The following RAPGEF4 variants were observed in gnomAD, a reference collection of about 807,000 sequenced individuals.
RAPGEF4 encodes Rap guanine nucleotide exchange factor 4.
Under a neutral mutation model 147.9 loss-of-function variants are expected in RAPGEF4, and 66 were observed. The ratio of observed to expected loss-of-function variants is 0.45; its 90% CI spans 0.37 to 0.55. The LOEUF is 0.55. Ranked by LOEUF, RAPGEF4 falls within the 20% of genes least tolerant of loss-of-function variation. RAPGEF4 has a pLI of 0.00. For synonymous variants in RAPGEF4, 419 were observed against 442.7 expected, an observed-to-expected ratio of 0.95 and a Z score of 0.67; for missense variants, 1,071 against 1,257.3, an observed-to-expected ratio of 0.85 and a Z score of 2.24.
intron 23 of RAPGEF4, among the ~76,000 whole-genome samples, chr2:173,026,201 A>C (rs1442823848): frequency 6.6e-6 from 1 of 152,198 alleles, no homozygotes; most frequent in East Asian, 1.9e-4. Flanking sequence ...CAGCAGCTTC[A>C]GTGAGAAATA....
chr2:172,924,816 A>G (rs1245252046), intron 6 of RAPGEF4, among the ~76,000 whole-genome samples: 4 of 152,340 alleles, frequency 2.6e-5, no homozygotes, highest in South Asian at 2.1e-4. Flanking sequence ...CAAAATAACA[A>G]TAATATGCCT....
intron 1 of RAPGEF4, among the ~76,000 whole-genome samples, chr2:172,748,463 G>T (rs965040228): frequency 6.6e-6 from 1 of 152,102 alleles, no homozygotes; most frequent in Non-Finnish European, 1.5e-5. Flanking sequence ...AGCAAAAGGG[G>T]TTTCCCTTTA....
chr2:172,917,937 G>A (rs1684256378), intron 5 of RAPGEF4, 63 bp downstream of exon 5: 8 of 1,395,110 alleles, frequency 5.7e-6, no homozygotes, highest in Middle Eastern at 1.8e-4. Context: ...GTTTTCATGT[G>A]ACAAAAAATA....
chr2:172,876,997 T>C lies in RAPGEF4; in HGVS notation c.445-40805T>C, dbSNP rs372235699. Among the ~76,000 whole-genome samples the C allele has an allele frequency of 1.3e-3, 200 of 152,242 alleles. No individual in the cohort carries two copies. In the South Asian group the frequency reaches 0.016, roughly 12 times the overall value. On this transcript the variant is annotated intron_variant, in intron 4 of 30. Coordinates refer to ENST00000397081, the MANE Select transcript of RAPGEF4 (RefSeq NM_007023.4). ...GGGAGGGTGTAGGTGTCGAGGAATT[T>C]ATCCATTTCTTCTAGATTTTCTAGT...
intron 15 of RAPGEF4, among the ~76,000 whole-genome samples, chr2:172,992,583 T>G (rs1692934993): frequency 6.6e-6 from 1 of 152,238 alleles, no homozygotes; most frequent in Non-Finnish European, 1.5e-5. Context: ...TCAAAAGCAT[T>G]TGCCTGTTAC....
At position 172,961,234 on chromosome 2, in the gene RAPGEF4, T is replaced by C. The variant is rs369045041; in HGVS notation, c.698+6T>C. The C allele has an allele frequency of 6.4e-7, 1 of 1,557,738 alleles. No homozygotes were observed. The highest frequency in any genetic ancestry group is 1.4e-5 in the African/African-American group (1 of 73,698). Reference sequence around the variant, plus strand: ...TACCACCTAAAGACATACAGGTATGTGTGCTAATTCTAAAGGCTGTGCCCC... The same window carrying C: ...TACCACCTAAAGACATACAGGTATGCGTGCTAATTCTAAAGGCTGTGCCCC... On this transcript the variant is annotated splice_donor_region_variant and intron_variant, in intron 8 of 30. Coordinates refer to ENST00000397081, the MANE Select transcript of RAPGEF4 (RefSeq NM_007023.4).
In RAPGEF4 at chr2:172,962,948, G is replaced by A. The variant is rs545896250; in HGVS notation, c.698+1720G>A. Among the ~76,000 whole-genome samples, 3 of 152,212 alleles carry A rather than the reference G, an allele frequency of 2.0e-5. No homozygotes were observed. In the South Asian group the frequency reaches 6.2e-4, roughly 32 times the overall value. On this transcript the variant is annotated intron_variant, in intron 8 of 30. Transcript: ENST00000397081. ...TATCTGAGACTGGGTAATTTTTGAA[G>A]AAAAATGGTTTCATTGACTCACAGT... is the stretch of plus-strand genomic sequence containing the variant.
intron 4 of RAPGEF4, among the ~76,000 whole-genome samples, chr2:172,855,823 T>C (rs375427140): frequency 1.3e-5 from 2 of 152,308 alleles, no homozygotes; most frequent in African/African-American, 4.8e-5. Context: ...TTACTACTAA[T>C]ATAGTTTTCT....
intron 23 of RAPGEF4, among the ~76,000 whole-genome samples, chr2:173,021,408 A>G (rs1178722511): frequency 1.3e-5 from 2 of 152,158 alleles, no homozygotes; most frequent in African/African-American, 4.8e-5. Context: ...CAGTCTTTGG[A>G]TACACGGGGT....
At chr2:172,744,489 A>G in intron 1 of RAPGEF4, 2 of 451,002 alleles carry the variant, frequency 4.4e-6, no homozygotes, top group Non-Finnish European at 8.9e-6. Flanking sequence ...AGAGGTTAAA[A>G]ATTTAGGAGT....
intron 4 of RAPGEF4, among the ~76,000 whole-genome samples, chr2:172,885,878 G>A (rs1697153879): frequency 6.6e-6 from 1 of 151,982 alleles, no homozygotes; most frequent in Non-Finnish European, 1.5e-5. Flanking sequence ...AACCTTTCAT[G>A]GTTTCCTCTT....
chr2:172,834,776 A>G (rs909461914), intron 4 of RAPGEF4, among the ~76,000 whole-genome samples: 10 of 152,256 alleles, frequency 6.6e-5, no homozygotes, highest in African/African-American at 2.2e-4. Context: ...TTGGGTTTCA[A>G]TAAAGGGAAA....
At chr2:172,974,432 C>A (rs542513334) in intron 10 of RAPGEF4, among the ~76,000 whole-genome samples, 1 of 152,246 alleles carries the variant, frequency 6.6e-6, no homozygotes, top group East Asian at 1.9e-4. Flanking sequence ...ACCTATAGTA[C>A]TAACACTTTG....
intron 4 of RAPGEF4, among the ~76,000 whole-genome samples, chr2:172,840,111 G>A (rs756875237): frequency 1.1e-4 from 16 of 152,078 alleles, no homozygotes; most frequent in Admixed American, 2.0e-4. Flanking sequence ...AGCATGTGAC[G>A]AATTATGGTC....
intron 4 of RAPGEF4, among the ~76,000 whole-genome samples, chr2:172,824,070 C>T (rs1323616262): frequency 6.6e-6 from 1 of 152,104 alleles, no homozygotes; most frequent in African/African-American, 2.4e-5. Context: ...AAGGGAGAGC[C>T]ACAAATTCTG....
intron 1 of RAPGEF4, among the ~76,000 whole-genome samples, chr2:172,787,401 T>C (rs990049974): frequency 6.6e-6 from 1 of 152,124 alleles, no homozygotes. Flanking sequence ...GGTTGTCCTC[T>C]GTCTAACTTG....
intron 4 of RAPGEF4, among the ~76,000 whole-genome samples, chr2:172,874,684 T>C (rs1695668863): frequency 1.3e-5 from 2 of 152,152 alleles, no homozygotes; most frequent in South Asian, 2.1e-4. Flanking sequence ...TCTTTGCTAT[T>C]GTGAATAGTG....
At chr2:172,914,768 A>G (rs1416339399) in intron 4 of RAPGEF4, among the ~76,000 whole-genome samples, 2 of 152,196 alleles carry the variant, frequency 1.3e-5, no homozygotes, top group African/African-American at 4.8e-5. Context: ...TGTTTGCTTC[A>G]TTCTCACCAA....
At chr2:172,959,561 A>T (rs1477070012) in intron 6 of RAPGEF4, among the ~76,000 whole-genome samples, 1 of 152,096 alleles carries the variant, frequency 6.6e-6, no homozygotes, top group African/African-American at 2.4e-5. Flanking sequence ...CCACAATCTC[A>T]TAAGAAATAA....
Sources: gnomAD v4.1 joint callset for allele counts (sites outside exome capture counted in the v4.1 genomes callset) on GRCh38, gnomAD v4.1.1 for gene constraint, MANE v1.5 for transcripts, NCBI Gene and HGNC (gene_info 2026-07-23, HGNC 2026-07-21) for gene names.